SPCS2: variants seen among roughly 807,000 people sequenced by gnomAD.
SPCS2 encodes signal peptidase complex subunit 2, also known as SPase 25 kDa subunit.
A neutral mutation model predicts 22.3 loss-of-function variants in SPCS2; 3 were observed. That is an observed-to-expected ratio of 0.13 (90% CI 0.06 to 0.35). The LOEUF (loss-of-function observed/expected upper bound fraction) is 0.35. Ranked by LOEUF, SPCS2 falls within the 10% of genes least tolerant of loss-of-function variation. The pLI is 1.00. For missense variants in SPCS2, 169 were observed against 280.9 expected, an observed-to-expected ratio of 0.60 and a Z score of 2.85; for synonymous variants, 67 against 97.2, an observed-to-expected ratio of 0.69 and a Z score of 1.83.
intron 1 of SPCS2, among the ~76,000 whole-genome samples, chr11:74,952,796 TC>T (rs1948454493): frequency 6.6e-6 from 1 of 152,214 alleles, no homozygotes; most frequent in Non-Finnish European, 1.5e-5. Flanking sequence ...AAGAGAATAG[TC>T]AAGAGCTGCT....
intron 4 of SPCS2, among the ~76,000 whole-genome samples, chr11:74,971,419 G>A (rs1378472964): frequency 2.6e-5 from 4 of 152,214 alleles, no homozygotes; most frequent in South Asian, 4.1e-4. Context: ...TGAACTGCCA[G>A]ACTGTTGTCC....
chr11:74,977,574 A>G lies in SPCS2; in HGVS notation c.*531A>G, dbSNP rs1481850856. 6.6e-6 allele frequency: 1 copy of G among 152,574 alleles called. No individual in the cohort carries two copies. The highest frequency in any genetic ancestry group is 1.5e-5 in the Non-Finnish European group (1 of 68,034). 9.5% of individuals were successfully genotyped at this position (152,574 alleles called of 1,614,324 possible). A position where few individuals can be genotyped will look rare whatever the true frequency, so the allele number is the denominator to read the frequency against. ...TAGCTTTTTAATTTGTTTGAAACAG[A>G]CTTTCTGCCTGTTACATTTTTGCTT... On this transcript the variant is annotated 3_prime_UTR_variant, in exon 5 of 5. Coordinates refer to ENST00000263672, the MANE Select transcript of SPCS2 (RefSeq NM_014752.3).
rs1236295652 is a variant in SPCS2 at position 74,949,521 on chromosome 11, A to G, written c.114+122A>G. The G allele has an allele frequency of 1.8e-5, 15 of 847,546 alleles. No individual in the cohort carries two copies. The East Asian group carries it at 3.8e-4, about 22-fold the overall frequency. 52.5% of individuals were successfully genotyped at this position (847,546 alleles called of 1,614,324 possible). A position where few individuals can be genotyped will look rare whatever the true frequency, so the allele number is the denominator to read the frequency against. On this transcript the variant is annotated intron_variant, in intron 1 of 4. Coordinates refer to ENST00000263672, the MANE Select transcript of SPCS2 (RefSeq NM_014752.3). The stretch of plus-strand genomic sequence containing the variant: ...TTTTGAGGGGAGCCCTTGTGTGACC[A>G]CTATCACAACCCTACGCACGCTTGG...
At chr11:74,956,588 G>A (rs914663873) in intron 1 of SPCS2, among the ~76,000 whole-genome samples, 1 of 152,208 alleles carries the variant, frequency 6.6e-6, no homozygotes, top group Non-Finnish European at 1.5e-5. Flanking sequence ...GAGAGCTGTA[G>A]TAGCCCTTTC....
intron 4 of SPCS2, among the ~76,000 whole-genome samples, chr11:74,973,720 G>A (rs1424245395): frequency 6.6e-6 from 1 of 151,982 alleles, no homozygotes; most frequent in Admixed American, 6.6e-5. Flanking sequence ...TATCTTCCCT[G>A]TCCTCAAACC....
At chr11:74,962,921 G>C (rs1439935062) in intron 1 of SPCS2, among the ~76,000 whole-genome samples, 1 of 152,162 alleles carries the variant, frequency 6.6e-6, no homozygotes, top group African/African-American at 2.4e-5. Context: ...CTCCCAAATT[G>C]GTTAAGACAT....
chr11:74,954,189 C>A (rs1948463023), intron 1 of SPCS2, among the ~76,000 whole-genome samples: 1 of 152,150 alleles, frequency 6.6e-6, no homozygotes, highest in South Asian at 2.1e-4. Flanking sequence ...AGCTATTCTG[C>A]TTAATAGTGG....
chr11:74,956,178 CT>C (rs1345817607), intron 1 of SPCS2, among the ~76,000 whole-genome samples: 3 of 151,892 alleles, frequency 2.0e-5, no homozygotes, highest in African/African-American at 7.3e-5. Context: ...CTTATTACCC[CT>C]GGCCCTCTCC....
intron 4 of SPCS2, among the ~76,000 whole-genome samples, chr11:74,971,169 C>T (rs1169260475): frequency 1.3e-5 from 2 of 152,202 alleles, no homozygotes; most frequent in African/African-American, 4.8e-5. Context: ...GTATACTGCA[C>T]ACAAGGTTCG....
intron 1 of SPCS2, among the ~76,000 whole-genome samples, chr11:74,961,079 C>A (rs34033784): frequency 2.0e-5 from 3 of 150,550 alleles, no homozygotes; most frequent in African/African-American, 7.4e-5. Context: ...GTTCCAGGCT[C>A]TGAGAATACA....
chr11:74,953,900 C>A (rs991027014), intron 1 of SPCS2, among the ~76,000 whole-genome samples: 1 of 152,154 alleles, frequency 6.6e-6, no homozygotes, highest in Non-Finnish European at 1.5e-5. Flanking sequence ...TTATCTAGAC[C>A]CTTTTAGCCT....
intron 1 of SPCS2, 36 bp downstream of exon 1, chr11:74,949,435 G>C (rs531566014): frequency 6.6e-7 from 1 of 1,523,742 alleles, no homozygotes; most frequent in East Asian, 2.5e-5. Flanking sequence ...TTGAATCCTG[G>C]GGAGGCCTGG....
At chr11:74,963,544 ATTGTTTGT>A (rs752236848) in intron 1 of SPCS2, 77 of 403,704 alleles carry the variant, frequency 1.9e-4, no homozygotes, top group Middle Eastern at 1.5e-3. Flanking sequence ...TTTATTTTTT[ATTGTTTGT>A]TTGTTTGTTT....
At chr11:74,972,018 A>C (rs576598296) in intron 4 of SPCS2, among the ~76,000 whole-genome samples, 3 of 151,564 alleles carry the variant, frequency 2.0e-5, no homozygotes, top group South Asian at 4.2e-4. Context: ...CTTCCCTGAC[A>C]TACCTTAGTC....
At chr11:74,974,172 TG>T (rs1039343111) in intron 4 of SPCS2, among the ~76,000 whole-genome samples, 11 of 152,282 alleles carry the variant, frequency 7.2e-5, no homozygotes, top group African/African-American at 2.6e-4. Flanking sequence ...CTTACCTTAA[TG>T]TTTGTTCCTC....
At chr11:74,974,047 CTT>C (rs1295875555) in intron 4 of SPCS2, among the ~76,000 whole-genome samples, 3 of 151,998 alleles carry the variant, frequency 2.0e-5, no homozygotes, top group African/African-American at 7.2e-5. Context: ...TGGATCTGCT[CTT>C]GTCTCCTTTA....
At chr11:74,976,708 TTTTTGC>T in intron 4 of SPCS2, 143 bp from the exon 5 acceptor site, 1 of 944,216 alleles carries the variant, frequency 1.1e-6, no homozygotes, top group Non-Finnish European at 1.6e-6. Context: ...TGGGGTTTTG[TTTTTGC>T]TTTTGCTTTT....
Position 74,979,006 on chromosome 11 carries a change from CT to C in SPCS2, c.*1964del, listed in dbSNP as rs1471074335. Reference sequence around the variant, plus strand: ...TTCCCTGTGTGTGTGTATAATGCAGCTATTAAAAATGAGTCTGAGGCCAGGC... The same window carrying C: ...TTCCCTGTGTGTGTGTATAATGCAGCATTAAAAATGAGTCTGAGGCCAGGC... On this transcript the variant is annotated 3_prime_UTR_variant, in exon 5 of 5. Transcript: ENST00000263672. The C allele has an allele frequency of 6.6e-6, 1 of 152,124 alleles. No homozygotes were observed. The highest frequency in any genetic ancestry group is 1.5e-5 in the Non-Finnish European group (1 of 68,030). The allele number at this position is 152,124 out of a possible 1,614,324, so 9.4% of individuals were successfully genotyped here.
intron 4 of SPCS2, among the ~76,000 whole-genome samples, chr11:74,974,836 G>A (rs1251421232): frequency 2.0e-5 from 3 of 152,082 alleles, no homozygotes; most frequent in South Asian, 2.1e-4. Flanking sequence ...GGATGGTCTG[G>A]ATCTCCTGAC....
Sources: gnomAD v4.1 joint callset for allele counts (sites outside exome capture counted in the v4.1 genomes callset) on GRCh38, gnomAD v4.1.1 for gene constraint, MANE v1.5 for transcripts, NCBI Gene and HGNC (gene_info 2026-07-23, HGNC 2026-07-21) for gene names.